The following HDAC4 variants were observed in gnomAD, a reference collection of about 807,000 sequenced individuals.
HDAC4 encodes histone deacetylase A.
HDAC4 carries 16 observed loss-of-function variants against 135.1 expected under a neutral mutation model. The observed-to-expected ratio is 0.12, with a 90% CI of 0.08 to 0.18. The LOEUF (loss-of-function observed/expected upper bound fraction) is 0.18, where lower values mean the gene tolerates loss of function less well. HDAC4 is among the 10% of genes least tolerant of loss of function. HDAC4 has a pLI of 1.00. For missense variants in HDAC4, 1,143 were observed against 1,511.8 expected (o/e 0.76, Z 4.05); for synonymous variants, 685 against 653.4 (o/e 1.05, Z -0.74).
intron 2 of HDAC4, among the ~76,000 whole-genome samples, chr2:239,321,322 G>A (rs1012422449): frequency 3.5e-4 from 53 of 151,986 alleles, no homozygotes; most frequent in African/African-American, 1.0e-3. Flanking sequence ...AAAATTAGCC[G>A]GGCGTGGTGG....
intron 24 of HDAC4, among the ~76,000 whole-genome samples, chr2:239,065,148 G>A (rs1451179475): frequency 1.3e-5 from 2 of 152,218 alleles, no homozygotes; most frequent in Non-Finnish European, 2.9e-5. Flanking sequence ...AGTGTCCTGG[G>A]ATGGCTGCAG....
intron 7 of HDAC4, among the ~76,000 whole-genome samples, chr2:239,149,316 C>T (rs2041959424): frequency 6.6e-6 from 1 of 151,512 alleles, no homozygotes; most frequent in Admixed American, 6.6e-5. Context: ...AGGAGAATCC[C>T]CTGAACCCAG....
rs923214632 is a variant in HDAC4, at chr2:239,130,452, G to A, written c.1295-3758C>T. 1.2e-4 allele frequency among the ~76,000 whole-genome samples: 19 copies of A among 152,268 alleles called. No homozygotes were observed. The East Asian group carries it at 1.5e-3, about 12-fold the overall frequency. On this transcript the variant is annotated intron_variant, in intron 11 of 26. Coordinates refer to ENST00000543185, the MANE Select transcript of HDAC4 (RefSeq NM_001378414.1). The stretch of plus-strand genomic sequence containing the variant: ...TCCACTGCCAGCTCAGGAAGGCTAC[G>A]TAGCCTTAAGACGCTGGTGGCATGC...
chr2:239,399,498 C>T (rs894476311), intron 1 of HDAC4, among the ~76,000 whole-genome samples: 8 of 152,204 alleles, frequency 5.3e-5, no homozygotes, highest in African/African-American at 1.9e-4. Context: ...AAATAATGCA[C>T]AGAATTATCA....
intron 16 of HDAC4, among the ~76,000 whole-genome samples, chr2:239,097,664 C>T (rs138751940): frequency 4.6e-5 from 7 of 152,150 alleles, no homozygotes; most frequent in East Asian, 3.9e-4. Context: ...CAGGAGCTGG[C>T]GGGATGTGGT....
intron 24 of HDAC4, among the ~76,000 whole-genome samples, chr2:239,058,652 C>G (rs1232268133): frequency 6.6e-6 from 1 of 152,204 alleles, no homozygotes; most frequent in Non-Finnish European, 1.5e-5. Context: ...TGTGATAAGA[C>G]TTCAATTCAT....
intron 9 of HDAC4, among the ~76,000 whole-genome samples, chr2:239,136,675 T>TC (rs1430351902): frequency 2.6e-5 from 4 of 152,202 alleles, no homozygotes; most frequent in Admixed American, 6.5e-5. Flanking sequence ...ATGCGGGAAC[T>TC]CCAGCAACTC....
At chr2:239,145,178 G>A (rs1254559975) in intron 7 of HDAC4, among the ~76,000 whole-genome samples, 2 of 152,198 alleles carry the variant, frequency 1.3e-5, no homozygotes, top group Non-Finnish European at 1.5e-5. Flanking sequence ...ATGTGAGGCT[G>A]GGCCCAGGGA....
intron 5 of HDAC4, among the ~76,000 whole-genome samples, chr2:239,169,268 C>T (rs564076899): frequency 3.9e-5 from 6 of 152,326 alleles, no homozygotes; most frequent in African/African-American, 1.2e-4. Flanking sequence ...GGGCTACCGG[C>T]GAACCACAGA....
In HDAC4 at chr2:239,291,053, C is replaced by T. The variant is rs190343544; in HGVS notation, c.23-54389G>A. 7.5e-3 allele frequency among the ~76,000 whole-genome samples: 1,147 copies of T among 152,386 alleles called. 15 individuals carry two copies. The highest frequency in any genetic ancestry group is 0.012 in the Non-Finnish European group (790 of 68,046). On this transcript the variant is annotated intron_variant, in intron 2 of 26. Coordinates refer to ENST00000543185, the MANE Select transcript of HDAC4 (RefSeq NM_001378414.1). The stretch of plus-strand genomic sequence containing the variant: ...TTCAGAAGGCAGCGCCTGCCTCCAC[C>T]TGCTGGTGCGTGCCCGGGACAGGGA...
intron 24 of HDAC4, among the ~76,000 whole-genome samples, chr2:239,056,454 C>T (rs11897158): frequency 0.034 from 5,175 of 152,270 alleles, 286 homozygotes; most frequent in African/African-American, 0.12. Context: ...ACATGCAGGG[C>T]CAGTCTGAAA....
chr2:239,326,575 T>C (rs1374779752), intron 2 of HDAC4, among the ~76,000 whole-genome samples: 2 of 152,136 alleles, frequency 1.3e-5, no homozygotes, highest in African/African-American at 2.4e-5. Flanking sequence ...AATATACATG[T>C]TGGTAGACAG....
intron 3 of HDAC4, among the ~76,000 whole-genome samples, chr2:239,192,841 G>A (rs1048730547): frequency 2.6e-5 from 4 of 152,170 alleles, no homozygotes; most frequent in Non-Finnish European, 4.4e-5. Context: ...TGAACCCATC[G>A]GGGAAGGCAT....
At chr2:239,246,376 G>A (rs1003708210) in intron 2 of HDAC4, among the ~76,000 whole-genome samples, 6 of 152,246 alleles carry the variant, frequency 3.9e-5, no homozygotes, top group Non-Finnish European at 7.3e-5. Flanking sequence ...GAGAAGCACC[G>A]GGGTTGCTGC....
intron 2 of HDAC4, among the ~76,000 whole-genome samples, chr2:239,273,634 G>A (rs1019173024): frequency 3.3e-5 from 5 of 152,138 alleles, no homozygotes; most frequent in Non-Finnish European, 4.4e-5. Flanking sequence ...AACTAGCCCC[G>A]GTCCGGCGCA....
chr2:239,168,002 ACGGCTGTGCTCCCGGAGGGC>A (rs1559545921), intron 5 of HDAC4, among the ~76,000 whole-genome samples: 1 of 151,886 alleles, frequency 6.6e-6, no homozygotes, highest in Non-Finnish European at 1.5e-5. Context: ...TCGGGGAGGG[ACGGCTGTGCTCCCGGAGGGC>A]CGTGGCCTGG....
intron 18 of HDAC4, among the ~76,000 whole-genome samples, chr2:239,089,288 G>A (rs1011304460): frequency 6.6e-6 from 1 of 152,152 alleles, no homozygotes; most frequent in Admixed American, 6.5e-5. Flanking sequence ...GCTGTCCACA[G>A]GCAAGACATT....
intron 22 of HDAC4, among the ~76,000 whole-genome samples, chr2:239,079,486 G>A (rs2035087169): frequency 6.6e-6 from 1 of 152,200 alleles, no homozygotes; most frequent in African/African-American, 2.4e-5. Flanking sequence ...TCCTGGGCCA[G>A]GGCCTTTATG....
At chr2:239,060,257 A>G (rs2032482984) in intron 24 of HDAC4, among the ~76,000 whole-genome samples, 1 of 152,068 alleles carries the variant, frequency 6.6e-6, no homozygotes, top group African/African-American at 2.4e-5. Flanking sequence ...GCCTGTCTGT[A>G]AGTAGTAAAT....
Sources: allele counts gnomAD v4.1 joint callset (sites outside exome capture counted in the v4.1 genomes callset), GRCh38; gene constraint gnomAD v4.1.1; transcripts MANE v1.5; gene names NCBI Gene and HGNC (gene_info 2026-07-23, HGNC 2026-07-21).